The following PDE8B variants were observed in gnomAD, a reference collection of about 807,000 sequenced individuals.
PDE8B encodes high affinity cAMP-specific and IBMX-insensitive 3',5'-cyclic phosphodiesterase 8B.
Under a neutral mutation model 101.3 loss-of-function variants are expected in PDE8B, and 26 were observed. That is an observed-to-expected ratio of 0.26 (90% CI 0.19 to 0.36). PDE8B has a LOEUF of 0.36. Ranked by LOEUF, PDE8B falls within the 10% of genes least tolerant of loss-of-function variation. The pLI is 1.00. For missense variants in PDE8B, 810 were observed against 1,163.1 expected, an observed-to-expected ratio of 0.70 and a Z score of 4.42; for synonymous variants, 424 against 429.3, an observed-to-expected ratio of 0.99 and a Z score of 0.15.
intron 19 of PDE8B, among the ~76,000 whole-genome samples, chr5:77,421,527 C>T (rs1796629961): frequency 6.6e-6 from 1 of 152,108 alleles, no homozygotes; most frequent in African/African-American, 2.4e-5. Context: ...TAGCAGTTAC[C>T]TCTAGGGAAG....
chr5:77,385,065 T>C (rs1788265128), intron 10 of PDE8B, among the ~76,000 whole-genome samples: 1 of 152,210 alleles, frequency 6.6e-6, no homozygotes, highest in African/African-American at 2.4e-5. Flanking sequence ...CTCCTCTTTG[T>C]ACCTTTGGTA....
intron 1 of PDE8B, among the ~76,000 whole-genome samples, chr5:77,256,602 T>C (rs1759227708): frequency 6.6e-6 from 1 of 152,110 alleles, no homozygotes. Flanking sequence ...TCTAAAAAAA[T>C]GAGGAAGAGA....
At chr5:77,290,342 C>G in intron 1 of PDE8B, 1 of 1,456,628 alleles carries the variant, frequency 6.9e-7, no homozygotes, top group South Asian at 1.1e-5. Flanking sequence ...AAAATGAGGG[C>G]GTGTATAATG....
intron 1 of PDE8B, among the ~76,000 whole-genome samples, chr5:77,228,270 T>G (rs1314205343): frequency 6.6e-6 from 1 of 152,144 alleles, no homozygotes; most frequent in Non-Finnish European, 1.5e-5. Context: ...GACAGTCTCT[T>G]TTATCAGTAA....
intron 2 of PDE8B, among the ~76,000 whole-genome samples, chr5:77,319,517 A>T (rs561908501): frequency 7.5e-4 from 114 of 152,372 alleles, no homozygotes; most frequent in South Asian, 7.0e-3. Flanking sequence ...CAATGAAGAG[A>T]TGCAAAATGA....
chr5:77,145,476 T>C, the PDE8B span: 1 of 152,160 alleles, frequency 6.6e-6, no homozygotes, highest in Non-Finnish European at 1.5e-5. Flanking sequence ...TGTACAAGCT[T>C]TTGTTAAAAT....
At chr5:77,396,218 T>C (rs1232005441) in intron 10 of PDE8B, among the ~76,000 whole-genome samples, 1 of 152,240 alleles carries the variant, frequency 6.6e-6, no homozygotes, top group Admixed American at 6.5e-5. Flanking sequence ...TACTTGGGTT[T>C]TGCCCTTCCC....
intron 17 of PDE8B, among the ~76,000 whole-genome samples, chr5:77,414,381 A>T (rs1795111080): frequency 6.6e-6 from 1 of 152,116 alleles, no homozygotes; most frequent in African/African-American, 2.4e-5. Context: ...GAGCAAAAAC[A>T]CCCTGGATTC....
chr5:77,205,469 G>C (rs777110895), upstream of PDE8B, among the ~76,000 whole-genome samples: 12 of 152,104 alleles, frequency 7.9e-5, no homozygotes, highest in Non-Finnish European at 5.9e-5. Flanking sequence ...CTGGTTCTGT[G>C]AGGTTTCCTT....
intron 2 of PDE8B, among the ~76,000 whole-genome samples, chr5:77,321,058 G>A (rs541226441): frequency 6.6e-6 from 1 of 152,028 alleles, no homozygotes; most frequent in African/African-American, 2.4e-5. Flanking sequence ...AGTTGAAAAG[G>A]GTGGGTGGCT....
intron 1 of PDE8B, among the ~76,000 whole-genome samples, chr5:77,300,221 C>T (rs969952398): frequency 5.3e-5 from 8 of 152,296 alleles, no homozygotes; most frequent in East Asian, 3.9e-4. Context: ...CTCTCTTAGA[C>T]GAGAATACGT....
chr5:77,335,439 G>A (rs1393249079), intron 5 of PDE8B, among the ~76,000 whole-genome samples: 1 of 151,984 alleles, frequency 6.6e-6, no homozygotes, highest in Admixed American at 6.6e-5. Flanking sequence ...CAGCTTCCAC[G>A]TAAGAATTGT....
At chr5:77,344,818 TAGA>T (rs1779864284) in intron 6 of PDE8B, 32 bp from the exon 7 acceptor site, 2 of 1,304,086 alleles carry the variant, frequency 1.5e-6, no homozygotes, top group Non-Finnish European at 2.2e-6. Context: ...ATGGTTTTCA[TAGA>T]AGAACTAACT....
chr5:77,262,988 T>A (rs893047817), intron 1 of PDE8B, among the ~76,000 whole-genome samples: 2 of 152,250 alleles, frequency 1.3e-5, no homozygotes, highest in African/African-American at 4.8e-5. Context: ...TAGTAATTTT[T>A]AAAATGCTTT....
chr5:77,249,459 C>T (rs1329886404), intron 1 of PDE8B, among the ~76,000 whole-genome samples: 3 of 151,298 alleles, frequency 2.0e-5, no homozygotes, highest in Admixed American at 1.3e-4. Flanking sequence ...TGTGTAGACT[C>T]AGGGAAATAG....
At chr5:77,305,454 G>T (rs1397855763) in intron 1 of PDE8B, among the ~76,000 whole-genome samples, 1 of 152,136 alleles carries the variant, frequency 6.6e-6, no homozygotes, top group East Asian at 1.9e-4. Context: ...CAGCCAGCAG[G>T]GCCCACAACT....
the PDE8B span, among the ~76,000 whole-genome samples, chr5:77,122,280 C>CA: frequency 6.6e-6 from 1 of 152,196 alleles, no homozygotes; most frequent in Non-Finnish European, 1.5e-5. Context: ...GTCCTAGACA[C>CA]AGTCCTTCCT....
At chr5:77,346,639 A>C (rs1780203923) in intron 7 of PDE8B, among the ~76,000 whole-genome samples, 1 of 152,246 alleles carries the variant, frequency 6.6e-6, no homozygotes, top group Non-Finnish European at 1.5e-5. Flanking sequence ...AAGCAGGAGC[A>C]TGAGGCCAGT....
intron 1 of PDE8B, among the ~76,000 whole-genome samples, chr5:77,277,917 A>G (rs116111028): frequency 2.0e-5 from 3 of 152,360 alleles, no homozygotes; most frequent in African/African-American, 4.8e-5. Context: ...TAAACTATGC[A>G]TAAGATGTAC....
Sources: allele counts gnomAD v4.1 joint callset (sites outside exome capture counted in the v4.1 genomes callset), GRCh38; gene constraint gnomAD v4.1.1; transcripts MANE v1.5; gene names NCBI Gene and HGNC (gene_info 2026-07-23, HGNC 2026-07-21).